Variants in PCDHA2 observed in about 807,000 individuals in gnomAD.
PCDHA2 encodes the protein protocadherin alpha 2.
In PCDHA2, 58 loss-of-function variants were observed where a neutral mutation model predicts 66.0. The ratio of observed to expected loss-of-function variants is 0.88; its 90% CI spans 0.71 to 1.09. The LOEUF is 1.09. Ranked by LOEUF, PCDHA2 falls within the 50% of genes least tolerant of loss-of-function variation. PCDHA2 has a pLI of 0.00. For missense variants in PCDHA2, 1,267 were observed against 1,242.3 expected (o/e 1.02, Z -0.30); for synonymous variants, 634 against 554.0 (o/e 1.14, Z -2.03).
chr5:140,827,884 A>G (rs1769440863), intron 1 of PCDHA2: 1 of 684,502 alleles, frequency 1.5e-6, no homozygotes. Flanking sequence ...ACGTGAATTG[A>G]TTTCTTACCT....
At chr5:140,882,415 T>G (rs782393404) in intron 1 of PCDHA2, 23 of 1,614,072 alleles carry the variant, frequency 1.4e-5, no homozygotes, top group African/African-American at 2.7e-5. Flanking sequence ...GCCGCATCGC[T>G]CAGGACCTGG....
chr5:140,801,037 C>T lies in PCDHA2; in HGVS notation c.2388+3685C>T, dbSNP rs1423546954. The T allele has an allele frequency of 2.8e-6, 4 of 1,430,180 alleles. No homozygotes were observed. In the African/African-American group the frequency reaches 4.3e-5, roughly 15 times the overall value. The allele number at this position is 1,430,180 out of a possible 1,614,324, so 88.6% of individuals were successfully genotyped here. ...CTGTCCACCACAAGGTCTTTCTCCA[C>T]AAAAGAAATAACAGCGTGCATTACG... On this transcript the variant is annotated intron_variant, in intron 1 of 3. Transcript: ENST00000526136.
intron 1 of PCDHA2, among the ~76,000 whole-genome samples, chr5:140,847,260 T>G (rs1285482056): frequency 6.7e-6 from 1 of 149,726 alleles, no homozygotes; most frequent in Non-Finnish European, 1.5e-5. Context: ...TCACGACTTT[T>G]GAAAGAAGGT....
intron 1 of PCDHA2, among the ~76,000 whole-genome samples, chr5:140,951,315 C>A (rs782114634): frequency 6.6e-6 from 1 of 151,988 alleles, no homozygotes; most frequent in Non-Finnish European, 1.5e-5. Context: ...ATGTGTTATT[C>A]TTGAGATTCA....
Position 140,795,243 on chromosome 5 carries a change from G to T in PCDHA2, c.279G>T (p.Glu93Asp), listed in dbSNP as rs1035739838. Reference sequence around the variant, plus strand: ...TTGTGAATTCTCGGATCGACCGGGAGGAGCTGTGCGGGCGGAGCGCGGAAT... The same window carrying T: ...TTGTGAATTCTCGGATCGACCGGGATGAGCTGTGCGGGCGGAGCGCGGAAT... ...ILFVNSRIDREELCGRSAECS... is the reference protein window; with the variant it reads ...ILFVNSRIDRDELCGRSAECS... Residue 93 changes from glutamate to aspartate, a missense_variant, in exon 1 of 4, where the codon GAG (glutamate) becomes GAT (aspartate). Physicochemically the swap from Glu to Asp is conservative, Grantham distance 45. Transcript: ENST00000526136. The T allele has an allele frequency of 1.9e-6, 3 of 1,614,154 alleles. No homozygotes were observed. The highest frequency in any genetic ancestry group is 2.5e-6 in the Non-Finnish European group (3 of 1,180,064).
At position 140,995,103 on chromosome 5, in the gene PCDHA2, C is replaced by T. The variant is rs535399594; in HGVS notation, c.2536+12540C>T. Reference sequence around the variant, plus strand: ...CAAACTTATCTGTGGAGATACATTCCAAGACCCTCAGTGGATGCCTGAAAC... The same window carrying T: ...CAAACTTATCTGTGGAGATACATTCTAAGACCCTCAGTGGATGCCTGAAAC... On this transcript the variant is annotated intron_variant, in intron 3 of 3. Coordinates refer to ENST00000526136, the MANE Select transcript of PCDHA2 (RefSeq NM_018905.3). 1.1e-4 allele frequency among the ~76,000 whole-genome samples: 16 copies of T among 152,290 alleles called. No individual in the cohort carries two copies. In the South Asian group the frequency reaches 2.9e-3, roughly 28 times the overall value.
chr5:140,828,515 A>G, intron 1 of PCDHA2: 3 of 1,614,156 alleles, frequency 1.9e-6, no homozygotes, highest in Non-Finnish European at 2.5e-6. Context: ...AAGAGTGCTG[A>G]TTTACGAATC....
At chr5:140,917,281 T>A (rs1354421886) in intron 1 of PCDHA2, among the ~76,000 whole-genome samples, 1 of 151,298 alleles carries the variant, frequency 6.6e-6, no homozygotes, top group Admixed American at 6.6e-5. Context: ...GTAATGACGC[T>A]TTTCCGTGTG....
chr5:140,829,850 G>A lies in PCDHA2; in HGVS notation c.2388+32498G>A, dbSNP rs2150176135. 3.1e-5 allele frequency: 50 copies of A among 1,613,836 alleles called. No homozygotes were observed. Among genetic ancestry groups the A allele is most frequent in the Non-Finnish European group, 4.2e-5 (50 of 1,179,896 alleles). The stretch of plus-strand genomic sequence containing the variant: ...CGAGCTGGTGCCGCGGTCACTGGGT[G>A]CAGGCCAAGTGGTGGCGAAGGTGCG... On this transcript the variant is annotated intron_variant, in intron 1 of 3. Transcript: ENST00000526136.
At chr5:140,883,303 T>C in intron 1 of PCDHA2, 3 of 1,614,096 alleles carry the variant, frequency 1.9e-6, no homozygotes, top group Non-Finnish European at 2.5e-6. Flanking sequence ...ATGTAAATGA[T>C]AACGCCCCAG....
Position 140,850,727 on chromosome 5 carries a change from G to T in PCDHA2, c.2388+53375G>T, listed in dbSNP as rs2150496154. 1.7e-5 allele frequency: 27 copies of T among 1,597,890 alleles called. 4 individuals carry two copies. The highest frequency in any genetic ancestry group is 2.2e-5 in the South Asian group (2 of 90,514). ...AGCCGACGCTGGTGTGTTCTAGCGC[G>T]GTGGGGAGTTGGTCGTACTCGCAGC... is the stretch of plus-strand genomic sequence containing the variant. On this transcript the variant is annotated intron_variant, in intron 1 of 3. Transcript: ENST00000526136.
At chr5:141,006,637 T>C (rs782585273) in intron 3 of PCDHA2, among the ~76,000 whole-genome samples, 8 of 152,118 alleles carry the variant, frequency 5.3e-5, no homozygotes, top group Non-Finnish European at 1.2e-4. Flanking sequence ...GCAATTCATA[T>C]AAGAGATGAT....
intron 1 of PCDHA2, among the ~76,000 whole-genome samples, chr5:140,818,668 C>T (rs1766413932): frequency 6.6e-6 from 1 of 152,138 alleles, no homozygotes; most frequent in Non-Finnish European, 1.5e-5. Flanking sequence ...GAGACTCCAT[C>T]TTTACAAAAA....
chr5:140,971,547 C>T (rs904044424), intron 1 of PCDHA2, among the ~76,000 whole-genome samples: 3 of 152,074 alleles, frequency 2.0e-5, no homozygotes, highest in Non-Finnish European at 4.4e-5. Flanking sequence ...GCCAGATCAA[C>T]CTGTTAAATT....
intron 1 of PCDHA2, chr5:140,869,243 G>T (rs1554162716): frequency 1.9e-6 from 3 of 1,613,544 alleles, no homozygotes; most frequent in Non-Finnish European, 2.5e-6. Context: ...TTCGTGGGCC[G>T]CATCGCGCAG....
At chr5:140,834,241 G>T (rs1440716193) in intron 1 of PCDHA2, 2 of 811,066 alleles carry the variant, frequency 2.5e-6, no homozygotes, top group Non-Finnish European at 1.9e-6. Flanking sequence ...ATTCCTTTTC[G>T]CACTGGAAAG....
In PCDHA2 at chr5:140,857,385, A is replaced by T. The variant is rs1300471931; in HGVS notation, c.2388+60033A>T. On this transcript the variant is annotated intron_variant, in intron 1 of 3. Coordinates refer to ENST00000526136, the MANE Select transcript of PCDHA2 (RefSeq NM_018905.3). ...GCCAGCGTGTCTGTGGAGGTGGCCG[A>T]CGTGAACGACAACGCGCCTGCGTTC... The T allele has an allele frequency of 1.8e-5, 29 of 1,598,230 alleles. 2 individuals carry two copies. Among genetic ancestry groups the T allele is most frequent in the Non-Finnish European group, 2.3e-5 (27 of 1,167,886 alleles).
chr5:140,928,552 G>A lies in PCDHA2; in HGVS notation c.2389-50397G>A, dbSNP rs145928329. On this transcript the variant is annotated intron_variant, in intron 1 of 3. Coordinates refer to ENST00000526136, the MANE Select transcript of PCDHA2 (RefSeq NM_018905.3). ...GGTAGATAGGAATGACAATTATCCGGTTATCTTGTTTCCCTTGCCCAGAAA... is the reference window on the plus strand; with the variant it reads ...GGTAGATAGGAATGACAATTATCCGATTATCTTGTTTCCCTTGCCCAGAAA... The A allele has an allele frequency of 6.7e-4, 1,075 of 1,614,218 alleles. 1 individual carries two copies. Among genetic ancestry groups the A allele is most frequent in the Non-Finnish European group, 8.6e-4 (1,013 of 1,180,042 alleles).
chr5:140,885,509 T>C (rs1020233501), intron 1 of PCDHA2, among the ~76,000 whole-genome samples: 36 of 152,208 alleles, frequency 2.4e-4, no homozygotes, highest in Admixed American at 1.4e-3. Flanking sequence ...TGAACCATGC[T>C]GTGCTATCAT....
Sources: allele counts gnomAD v4.1 joint callset (sites outside exome capture counted in the v4.1 genomes callset), GRCh38; gene constraint gnomAD v4.1.1; transcripts MANE v1.5; gene names NCBI Gene and HGNC (gene_info 2026-07-23, HGNC 2026-07-21).